The following DLC1 variants were observed in gnomAD, a reference collection of about 807,000 sequenced individuals.
DLC1 encodes the protein rho GTPase-activating protein 7.
DLC1 carries 54 observed loss-of-function variants against 140.3 expected under a neutral mutation model. The ratio of observed to expected loss-of-function variants is 0.38; its 90% CI spans 0.31 to 0.48. The LOEUF (loss-of-function observed/expected upper bound fraction) is 0.48, where lower values mean the gene tolerates loss of function less well. Ranked by LOEUF, DLC1 falls within the 20% of genes least tolerant of loss-of-function variation. The pLI is 0.96. For missense variants in DLC1, 2,536 were observed against 1,907.0 expected, an observed-to-expected ratio of 1.33 and a Z score of -6.14; for synonymous variants, 986 against 728.1, an observed-to-expected ratio of 1.35 and a Z score of -5.70.
chr8:13,479,104 C>A (rs942925824), intron 2 of DLC1, among the ~76,000 whole-genome samples: 10 of 152,158 alleles, frequency 6.6e-5, no homozygotes, highest in African/African-American at 2.4e-4. Flanking sequence ...TTATTTTATG[C>A]TTCCCTCCTG....
At chr8:13,518,031 C>T (rs1802646008), upstream of DLC1, among the ~76,000 whole-genome samples, 1 of 152,040 alleles carries the variant, frequency 6.6e-6, no homozygotes, top group African/African-American at 2.4e-5. Context: ...AGTGGTGGAA[C>T]AATTATGTAC....
chr8:13,328,628 A>G (rs963950119), intron 4 of DLC1, among the ~76,000 whole-genome samples: 2 of 152,132 alleles, frequency 1.3e-5, no homozygotes, highest in African/African-American at 2.4e-5. Context: ...TGGCTGAAAT[A>G]TAAGTTTGAG....
intron 4 of DLC1, among the ~76,000 whole-genome samples, chr8:13,385,281 C>A (rs1445884027): frequency 6.6e-6 from 1 of 152,124 alleles, no homozygotes; most frequent in Non-Finnish European, 1.5e-5. Flanking sequence ...ACAACAACAA[C>A]ACAGATAAAG....
intron 1 of DLC1, chr8:13,566,722 A>T (rs1804442115): frequency 2.1e-6 from 1 of 466,396 alleles, no homozygotes. Flanking sequence ...AGTGCAGAAG[A>T]CAGGGCAAAA....
chr8:13,487,651 G>GCAACCTCCC, intron 2 of DLC1, among the ~76,000 whole-genome samples: 1 of 151,050 alleles, frequency 6.6e-6, no homozygotes, highest in South Asian at 2.1e-4. Context: ...TCGGCTCACT[G>GCAACCTCCC]CAACCTCCCC....
intron 5 of DLC1, among the ~76,000 whole-genome samples, chr8:13,199,646 A>G (rs915398194): frequency 1.3e-5 from 2 of 152,158 alleles, no homozygotes; most frequent in Admixed American, 6.5e-5. Flanking sequence ...AATAGTTCCT[A>G]TATTAAAATA....
At chr8:13,509,938 A>G (rs1350834705) in intron 1 of DLC1, among the ~76,000 whole-genome samples, 3 of 152,168 alleles carry the variant, frequency 2.0e-5, no homozygotes, top group African/African-American at 7.2e-5. Context: ...AGATTATAAT[A>G]TATGTAAAAC....
intron 1 of DLC1, among the ~76,000 whole-genome samples, chr8:13,533,536 T>G (rs73665137): frequency 0.038 from 5,832 of 152,262 alleles, 375 homozygotes; most frequent in African/African-American, 0.13. Flanking sequence ...TCCATAATCA[T>G]GAAAAGTAGA....
At chr8:13,593,976 T>G (rs2117480586) in intron 1 of DLC1, among the ~76,000 whole-genome samples, 1 of 151,956 alleles carries the variant, frequency 6.6e-6, no homozygotes, top group Non-Finnish European at 1.5e-5. Flanking sequence ...CCTGGGCAAC[T>G]TAGTGAGACC....
chr8:13,488,292 C>T (rs552585086), intron 2 of DLC1, among the ~76,000 whole-genome samples: 19 of 152,278 alleles, frequency 1.2e-4, no homozygotes, highest in Non-Finnish European at 1.0e-4. Flanking sequence ...ATATCTCCTG[C>T]TAATGCCTTA....
intron 15 of DLC1, among the ~76,000 whole-genome samples, chr8:13,089,651 A>C (rs1817879214): frequency 6.6e-6 from 1 of 152,134 alleles, no homozygotes; most frequent in African/African-American, 2.4e-5. Context: ...TAAAAACAAA[A>C]ACATCAGACA....
At chr8:13,282,055 A>G (rs1330404288) in intron 5 of DLC1, among the ~76,000 whole-genome samples, 2 of 152,192 alleles carry the variant, frequency 1.3e-5, no homozygotes, top group South Asian at 2.1e-4. Flanking sequence ...TCAGAATTAC[A>G]TAGGGTGGGG....
At position 13,298,632 on chromosome 8, in the gene DLC1, T is replaced by G. The variant is rs557310977; in HGVS notation, c.1348+6637A>C. Among the ~76,000 whole-genome samples the G allele has an allele frequency of 2.0e-5, 3 of 152,318 alleles. No individual in the cohort carries two copies. In the South Asian group the frequency reaches 6.2e-4, roughly 32 times the overall value. ...CTGTAACAGAAAAGACGTAGCTTTT[T>G]AGGAGCACAGAATAAGCTCTAAGAT... On this transcript the variant is annotated intron_variant, in intron 5 of 17. Coordinates refer to ENST00000276297, the MANE Select transcript of DLC1 (RefSeq NM_182643.3).
intron 4 of DLC1, among the ~76,000 whole-genome samples, chr8:13,356,852 T>A (rs117004340): frequency 0.066 from 10,023 of 151,628 alleles, 452 homozygotes; most frequent in Middle Eastern, 0.099. Flanking sequence ...ATTATTTTTT[T>A]ATTTTTTATT....
rs1266557891 is a variant in DLC1 at position 13,487,851 on chromosome 8, G to A, written c.1023+11198C>T. ...CTCCCAAAGTGCTGGGATTACAGGCGTGAGCCACTGCACCAGGCCTGAAAA... is the reference window on the plus strand; with the variant it reads ...CTCCCAAAGTGCTGGGATTACAGGCATGAGCCACTGCACCAGGCCTGAAAA... On this transcript the variant is annotated intron_variant, in intron 2 of 17. Transcript: ENST00000276297. 6.6e-5 allele frequency among the ~76,000 whole-genome samples: 10 copies of A among 152,286 alleles called. No homozygotes were observed. The South Asian group carries it at 1.0e-3, about 16-fold the overall frequency.
chr8:13,437,987 A>T (rs1205429017), intron 2 of DLC1, among the ~76,000 whole-genome samples: 5 of 151,986 alleles, frequency 3.3e-5, no homozygotes, highest in Admixed American at 3.3e-4. Context: ...GGAAGAATGA[A>T]ATCTTATATA....
intron 5 of DLC1, among the ~76,000 whole-genome samples, chr8:13,123,701 T>A (rs1454937661): frequency 3.3e-5 from 5 of 152,168 alleles, no homozygotes; most frequent in African/African-American, 9.7e-5. Flanking sequence ...CAAAACTTAT[T>A]ATGTTTACTT....
At chr8:13,586,281 C>G (rs1181513405) in intron 1 of DLC1, among the ~76,000 whole-genome samples, 1 of 152,038 alleles carries the variant, frequency 6.6e-6, no homozygotes, top group African/African-American at 2.4e-5. Flanking sequence ...GAGAATGAGG[C>G]TCTGAAACTT....
At chr8:13,503,026 T>C (rs986368780) in intron 1 of DLC1, among the ~76,000 whole-genome samples, 2 of 152,254 alleles carry the variant, frequency 1.3e-5, no homozygotes, top group Admixed American at 6.5e-5. Context: ...TCGTGCATGA[T>C]TTTGAATTCA....
Sources: allele counts gnomAD v4.1 joint callset (sites outside exome capture counted in the v4.1 genomes callset), GRCh38; gene constraint gnomAD v4.1.1; transcripts MANE v1.5; gene names NCBI Gene and HGNC (gene_info 2026-07-23, HGNC 2026-07-21).